MAN1A1: variants seen among roughly 807,000 people sequenced by gnomAD.
MAN1A1 encodes mannosidase alpha class 1A member 1.
A neutral mutation model predicts 70.8 loss-of-function variants in MAN1A1; 29 were observed. The ratio of observed to expected loss-of-function variants is 0.41; its 90% CI spans 0.31 to 0.56. The LOEUF is 0.56. Ranked by LOEUF, MAN1A1 falls within the 20% of genes least tolerant of loss-of-function variation. MAN1A1 has a pLI of 0.29. For synonymous variants in MAN1A1, 349 were observed against 330.1 expected (o/e 1.06, Z -0.62); for missense variants, 747 against 841.3 (o/e 0.89, Z 1.39).
chr6:119,209,123 G>T (rs1010035205), intron 6 of MAN1A1, among the ~76,000 whole-genome samples: 1 of 147,662 alleles, frequency 6.8e-6, no homozygotes, highest in Non-Finnish European at 1.5e-5. Flanking sequence ...ATAGGTTACA[G>T]TGACTGTCCC....
At chr6:119,268,501 C>T (rs1352723435) in intron 5 of MAN1A1, among the ~76,000 whole-genome samples, 1 of 152,102 alleles carries the variant, frequency 6.6e-6, no homozygotes, top group African/African-American at 2.4e-5. Flanking sequence ...ACAGATGGCC[C>T]ACTCAGAAGG....
chr6:119,210,924 C>T (rs1562193993), intron 6 of MAN1A1: 4 of 456,082 alleles, frequency 8.8e-6, no homozygotes, highest in Non-Finnish European at 1.8e-5. Flanking sequence ...GGATATTGCA[C>T]ATCCACCTGT....
At chr6:119,308,913 T>C (rs1178298382) in intron 2 of MAN1A1, among the ~76,000 whole-genome samples, 2 of 152,214 alleles carry the variant, frequency 1.3e-5, no homozygotes, top group Non-Finnish European at 2.9e-5. Context: ...ACTTATACAA[T>C]GTACCACTAG....
intron 4 of MAN1A1, among the ~76,000 whole-genome samples, chr6:119,297,478 A>G (rs969908781): frequency 6.6e-6 from 1 of 152,182 alleles, no homozygotes; most frequent in Admixed American, 6.5e-5. Context: ...CTGACTGCGT[A>G]TATATTTCTC....
chr6:119,346,633 A>C (rs1312684092), intron 2 of MAN1A1, among the ~76,000 whole-genome samples: 2 of 152,214 alleles, frequency 1.3e-5, no homozygotes, highest in South Asian at 4.1e-4. Context: ...GCACACTGTT[A>C]ATATGTTGTC....
chr6:119,205,291 T>C (rs945331924), intron 6 of MAN1A1, among the ~76,000 whole-genome samples: 3 of 152,230 alleles, frequency 2.0e-5, no homozygotes, highest in Non-Finnish European at 2.9e-5. Context: ...TTTTGGACAT[T>C]CACATTATAT....
rs149210041 is a variant in MAN1A1 at position 119,188,694 on chromosome 6, C to T, written c.1547-117G>A. On this transcript the variant is annotated intron_variant, in intron 10 of 12. Coordinates refer to ENST00000368468, the MANE Select transcript of MAN1A1 (RefSeq NM_005907.4). ...CTCAGTATCTATGAGGGACTGGTTCCAGGACCCTCCGAGGATAACAAAATC... is the reference window on the plus strand; with the variant it reads ...CTCAGTATCTATGAGGGACTGGTTCTAGGACCCTCCGAGGATAACAAAATC... 8.3e-4 allele frequency: 753 copies of T among 912,054 alleles called. 2 individuals are homozygous for T. In the African/African-American group the frequency reaches 0.011, roughly 13 times the overall value. 56.5% of individuals were successfully genotyped at this position (912,054 alleles called of 1,614,324 possible).
At chr6:119,349,463 T>C in intron 1 of MAN1A1, 79 bp downstream of exon 1, 2 of 936,584 alleles carry the variant, frequency 2.1e-6, no homozygotes, top group Non-Finnish European at 2.6e-6. Context: ...AGTTATCAGG[T>C]CCCGTGGGTA....
chr6:119,187,228 AT>A (rs1773315550), intron 11 of MAN1A1, among the ~76,000 whole-genome samples: 1 of 152,234 alleles, frequency 6.6e-6, no homozygotes, highest in Non-Finnish European at 1.5e-5. Flanking sequence ...CTTACTAATT[AT>A]GGTGTTTTAG....
At chr6:119,218,459 C>T (rs1474932450) in intron 6 of MAN1A1, among the ~76,000 whole-genome samples, 25 of 151,926 alleles carry the variant, frequency 1.6e-4, no homozygotes, top group Admixed American at 1.6e-3. Flanking sequence ...TTGTATTAGG[C>T]TCACCTCTAC....
At chr6:119,189,349 T>C (rs1773377096) in intron 10 of MAN1A1, among the ~76,000 whole-genome samples, 1 of 152,192 alleles carries the variant, frequency 6.6e-6, no homozygotes, top group Admixed American at 6.5e-5. Context: ...TAATGGTTAA[T>C]AAAATGCTAA....
At chr6:119,292,182 G>A (rs1772048574) in intron 4 of MAN1A1, among the ~76,000 whole-genome samples, 1 of 151,946 alleles carries the variant, frequency 6.6e-6, no homozygotes, top group Admixed American at 6.6e-5. Flanking sequence ...AAATAGATCT[G>A]TCTTACATTC....
chr6:119,255,804 C>T (rs1421856469), intron 5 of MAN1A1, among the ~76,000 whole-genome samples: 1 of 152,028 alleles, frequency 6.6e-6, no homozygotes, highest in African/African-American at 2.4e-5. Context: ...TTTCTTTCAC[C>T]GTCTCTTTCT....
At chr6:119,348,437 A>G in intron 2 of MAN1A1, 26 bp downstream of exon 2, 22 of 1,544,688 alleles carry the variant, frequency 1.4e-5, no homozygotes, top group Non-Finnish European at 1.8e-5. Context: ...GCCGGTCGGG[A>G]GGGATTTCTG....
intron 6 of MAN1A1, among the ~76,000 whole-genome samples, chr6:119,243,234 T>C (rs887162570): frequency 2.0e-5 from 3 of 152,058 alleles, no homozygotes; most frequent in Admixed American, 6.6e-5. Context: ...TTAAATCAAT[T>C]TGATCTTATG....
chr6:119,270,776 G>A (rs1775896444), intron 5 of MAN1A1, among the ~76,000 whole-genome samples: 1 of 152,198 alleles, frequency 6.6e-6, no homozygotes, highest in Admixed American at 6.5e-5. Flanking sequence ...ACGGCTGCCA[G>A]AATATCCCTT....
intron 6 of MAN1A1, among the ~76,000 whole-genome samples, chr6:119,217,212 C>A (rs899843071): frequency 6.6e-6 from 1 of 152,166 alleles, no homozygotes; most frequent in Non-Finnish European, 1.5e-5. Context: ...AAAAGTAACA[C>A]CTTAATGCTG....
rs903303093 is a variant in MAN1A1 at position 119,179,691 on chromosome 6, GCAAAA to G, written c.*123_*127del. 2 of 832,820 alleles carry G rather than the reference GCAAAA, an allele frequency of 2.4e-6. No homozygotes were observed. Among genetic ancestry groups the G allele is most frequent in the African/African-American group, 3.4e-5 (2 of 58,080 alleles). 51.6% of individuals were successfully genotyped at this position (832,820 alleles called of 1,614,324 possible). ...CCTATGATAATAAACATAAAAGACT[GCAAAA>G]CAATTTAAGAACTTAATCACAGACC... On this transcript the variant is annotated 3_prime_UTR_variant, in exon 13 of 13. Coordinates refer to ENST00000368468, the MANE Select transcript of MAN1A1 (RefSeq NM_005907.4).
intron 2 of MAN1A1, among the ~76,000 whole-genome samples, chr6:119,336,359 C>T (rs1319236430): frequency 6.6e-6 from 1 of 152,156 alleles, no homozygotes; most frequent in Non-Finnish European, 1.5e-5. Context: ...TGAGCCACTG[C>T]GCCCGGCACC....
Sources: gnomAD v4.1 joint callset for allele counts (sites outside exome capture counted in the v4.1 genomes callset) on GRCh38, gnomAD v4.1.1 for gene constraint, MANE v1.5 for transcripts, NCBI Gene and HGNC (gene_info 2026-07-23, HGNC 2026-07-21) for gene names.